The following ENOX1 variants were observed in gnomAD, a reference collection of about 807,000 sequenced individuals.
The protein encoded by ENOX1 is candidate growth-related and time keeping constitutive hydroquinone (NADH) oxidase.
A neutral mutation model predicts 82.5 loss-of-function variants in ENOX1; 42 were observed. The ratio of observed to expected loss-of-function variants is 0.51; its 90% CI spans 0.40 to 0.66. The LOEUF is 0.66. Among genes scored for constraint, ENOX1 ranks in the 30% least tolerant of loss-of-function variants. The pLI is 0.00. For synonymous variants in ENOX1, 271 were observed against 282.2 expected (o/e 0.96, Z 0.40); for missense variants, 608 against 811.6 (o/e 0.75, Z 3.05).
intron 1 of ENOX1, among the ~76,000 whole-genome samples, chr13:43,705,052 T>C (rs576858802): frequency 9.1e-4 from 138 of 152,036 alleles, no homozygotes; most frequent in Admixed American, 4.7e-3. Flanking sequence ...ATGAAAGATA[T>C]AGGTAAAAGA....
At chr13:43,337,287 A>C (rs906267299) in intron 9 of ENOX1, among the ~76,000 whole-genome samples, 2 of 152,226 alleles carry the variant, frequency 1.3e-5, no homozygotes, top group Non-Finnish European at 2.9e-5. Context: ...CAGAAGTGGC[A>C]CAGTGAGGTA....
chr13:43,661,741 T>C (rs901445681), intron 2 of ENOX1, among the ~76,000 whole-genome samples: 1 of 152,150 alleles, frequency 6.6e-6, no homozygotes, highest in African/African-American at 2.4e-5. Context: ...GTACTATAGA[T>C]ACAGGCAGCC....
Position 43,415,090 on chromosome 13 carries a change from A to G in ENOX1, c.-74-2102T>C, listed in dbSNP as rs1448396341. On this transcript the variant is annotated intron_variant, in intron 3 of 16. Transcript: ENST00000690772. ...TTAACAGACTGCAAGTGTTTCATTG[A>G]AAACAGTAAGCAACTGCTACTGTTC... Among the ~76,000 whole-genome samples the G allele has an allele frequency of 2.0e-5, 3 of 152,180 alleles. No individual in the cohort carries two copies. In the East Asian group the frequency reaches 5.8e-4, roughly 29 times the overall value.
intron 16 of ENOX1, among the ~76,000 whole-genome samples, chr13:43,221,095 A>C (rs2041763206): frequency 1.3e-5 from 2 of 152,204 alleles, no homozygotes; most frequent in African/African-American, 4.8e-5. Flanking sequence ...GTCGTGCCAA[A>C]ATAGCAGGTC....
chr13:43,470,291 TATACACATATATATACATATATATACAC>T lies in ENOX1; in HGVS notation c.-75+13690_-75+13717del, dbSNP rs1593361346. Among the ~76,000 whole-genome samples, 3 of 63,076 alleles carry T rather than the reference TATACACATATATATACATATATATACAC, an allele frequency of 4.8e-5. No homozygotes were observed. In the East Asian group the frequency reaches 7.6e-4, roughly 16 times the overall value. The allele number at this position is 63,076 out of a possible 152,430, so 41.4% of individuals were successfully genotyped here. On this transcript the variant is annotated intron_variant, in intron 3 of 16. Coordinates refer to ENST00000690772, the MANE Select transcript of ENOX1 (RefSeq NM_001347969.2). ...ATATACACATATATATACATATATA[TATACACATATATATACATATATATACAC>T]ATATATATATGTATATATATACGTA... is the stretch of plus-strand genomic sequence containing the variant.
At chr13:43,379,624 C>T (rs1021635340) in intron 5 of ENOX1, among the ~76,000 whole-genome samples, 8 of 151,820 alleles carry the variant, frequency 5.3e-5, no homozygotes, top group Non-Finnish European at 8.8e-5. Flanking sequence ...TCAAATGAAA[C>T]GTGGAGAAAA....
intron 1 of ENOX1, among the ~76,000 whole-genome samples, chr13:43,754,135 T>C (rs1950499299): frequency 8.9e-6 from 1 of 112,250 alleles, no homozygotes; most frequent in African/African-American, 2.9e-5. Flanking sequence ...CGTATATACG[T>C]ATATACACAT....
chr13:43,533,313 T>G (rs908542137), intron 2 of ENOX1, among the ~76,000 whole-genome samples: 3 of 152,102 alleles, frequency 2.0e-5, no homozygotes, highest in Non-Finnish European at 4.4e-5. Context: ...CCTGCTGAGT[T>G]TTTTTCTCCC....
At chr13:43,563,067 A>T (rs1044991889) in intron 2 of ENOX1, among the ~76,000 whole-genome samples, 1 of 152,172 alleles carries the variant, frequency 6.6e-6, no homozygotes, top group African/African-American at 2.4e-5. Flanking sequence ...CGTTTTGTCC[A>T]ATGGCTGCAA....
At chr13:43,732,094 T>C (rs111738918) in intron 1 of ENOX1, among the ~76,000 whole-genome samples, 16 of 152,226 alleles carry the variant, frequency 1.1e-4, no homozygotes, top group African/African-American at 3.9e-4. Context: ...TTGAGAAGCT[T>C]GTAACACTAC....
chr13:43,411,665 A>T (rs1001263012), intron 5 of ENOX1, among the ~76,000 whole-genome samples: 2 of 152,248 alleles, frequency 1.3e-5, no homozygotes, highest in Non-Finnish European at 2.9e-5. Flanking sequence ...TACCAATTTT[A>T]AAAAACGCAA....
In ENOX1 at chr13:43,411,901, C is replaced by G. The variant is rs528956482; in HGVS notation, c.208+15G>C. ...GCACTGCTGCAAGCATCTCTGAAAC[C>G]AGGAGAAAGCTTACCAGACACGAGC... On this transcript the variant is annotated intron_variant, in intron 5 of 16. Coordinates refer to ENST00000690772, the MANE Select transcript of ENOX1 (RefSeq NM_001347969.2). 5 of 1,613,872 alleles carry G rather than the reference C, an allele frequency of 3.1e-6. No individual in the cohort carries two copies. Among genetic ancestry groups the G allele is most frequent in the Admixed American group, 3.3e-5 (2 of 60,024 alleles).
chr13:43,550,742 C>A (rs2079159592), intron 2 of ENOX1, among the ~76,000 whole-genome samples: 1 of 152,166 alleles, frequency 6.6e-6, no homozygotes. Flanking sequence ...CAAAAACTCT[C>A]CTCCTTACAA....
intron 8 of ENOX1, among the ~76,000 whole-genome samples, chr13:43,351,234 A>G (rs915509298): frequency 4.6e-5 from 7 of 152,192 alleles, no homozygotes; most frequent in African/African-American, 1.4e-4. Flanking sequence ...CAGATCACAG[A>G]CAGCATAAAA....
intron 3 of ENOX1, among the ~76,000 whole-genome samples, chr13:43,419,621 T>TAC (rs2054854643): frequency 1.3e-5 from 2 of 152,298 alleles, no homozygotes; most frequent in South Asian, 4.1e-4. Flanking sequence ...GGTTTATACC[T>TAC]ACTTCAATAA....
At chr13:43,498,305 T>A (rs889103120) in intron 2 of ENOX1, among the ~76,000 whole-genome samples, 8 of 152,240 alleles carry the variant, frequency 5.3e-5, no homozygotes, top group African/African-American at 1.7e-4. Context: ...TTTCTGAGAT[T>A]ATGGATTTGT....
chr13:43,619,814 T>C (rs1010625381), intron 2 of ENOX1, among the ~76,000 whole-genome samples: 13 of 152,170 alleles, frequency 8.5e-5, no homozygotes, highest in Non-Finnish European at 1.6e-4. Flanking sequence ...TGAAATAGTG[T>C]CAAAAGGATT....
At chr13:43,226,270 C>T (rs1292906049) in intron 15 of ENOX1, among the ~76,000 whole-genome samples, 1 of 151,950 alleles carries the variant, frequency 6.6e-6, no homozygotes, top group Non-Finnish European at 1.5e-5. Context: ...TTTGCATTTC[C>T]TTTTTTGTTT....
At chr13:43,725,585 T>C (rs558546348) in intron 1 of ENOX1, among the ~76,000 whole-genome samples, 1 of 152,236 alleles carries the variant, frequency 6.6e-6, no homozygotes, top group South Asian at 2.1e-4. Context: ...CTGCCACAAG[T>C]ATGAAATTTC....
Sources: allele counts gnomAD v4.1 joint callset (sites outside exome capture counted in the v4.1 genomes callset), GRCh38; gene constraint gnomAD v4.1.1; transcripts MANE v1.5; gene names NCBI Gene and HGNC (gene_info 2026-07-23, HGNC 2026-07-21).